AKAIN1: variants seen among roughly 807,000 people sequenced by gnomAD.
The protein encoded by AKAIN1 is A-kinase anchor inhibitor 1.
A neutral mutation model predicts 3.7 loss-of-function variants in AKAIN1; 3 were observed. The observed-to-expected ratio is 0.82, with a 90% CI of 0.37 to 2.12. The LOEUF (loss-of-function observed/expected upper bound fraction) is 2.12, where lower values mean the gene tolerates loss of function less well. Ranked by LOEUF, AKAIN1 falls within the 30% of genes most tolerant of loss-of-function variation. The pLI, the probability that AKAIN1 is intolerant of heterozygous loss-of-function variation, is 0.06. For missense variants in AKAIN1, 82 were observed against 82.7 expected (o/e 0.99, Z 0.03); for synonymous variants, 31 against 30.8 (o/e 1.01, Z -0.02).
At chr18:5,147,482 T>C (rs1323046781) in intron 1 of AKAIN1, among the ~76,000 whole-genome samples, 1 of 152,184 alleles carries the variant, frequency 6.6e-6, no homozygotes, top group African/African-American at 2.4e-5. Context: ...CATTTCTTAT[T>C]TAAAATAATC....
rs1362112278 is a variant in AKAIN1, at chr18:5,145,619, G to C, written c.153C>G (p.Asn51Lys). ...CAACGCCCAGTTGGATGTGGTCCCGGTTGTCACTGATTCTCTCTTCTCTGC... is the reference window on the plus strand; with the variant it reads ...CAACGCCCAGTTGGATGTGGTCCCGCTTGTCACTGATTCTCTCTTCTCTGC... ...SQRREERISD[N>K]RDHIQLGVGE... The change falls in exon 2 of 2, where the codon AAC (asparagine) becomes AAG (lysine). Residue 51 changes from asparagine to lysine, a missense_variant. Asn to Lys is a moderately conservative substitution (Grantham distance 94, BLOSUM62 0). Transcript: ENST00000434239. The C allele has an allele frequency of 1.9e-6, 3 of 1,551,530 alleles. No individual in the cohort carries two copies. Among genetic ancestry groups the C allele is most frequent in the African/African-American group, 2.7e-5 (2 of 73,022 alleles).
In AKAIN1 at chr18:5,143,300, T is replaced by C. The variant is rs1178741300; in HGVS notation, c.*2262A>G. On this transcript the variant is annotated 3_prime_UTR_variant, in exon 2 of 2. Coordinates refer to ENST00000434239, the MANE Select transcript of AKAIN1 (RefSeq NM_001145194.2). ...GAGCTTTCTTAGAATTTTGCCAATATGGCACCTACCTATTGAGGACAGGCA... is the reference window on the plus strand; with the variant it reads ...GAGCTTTCTTAGAATTTTGCCAATACGGCACCTACCTATTGAGGACAGGCA... 6.6e-6 allele frequency among the ~76,000 whole-genome samples: 1 copy of C among 152,238 alleles called. No homozygotes were observed. Among genetic ancestry groups the C allele is most frequent in the Non-Finnish European group, 1.5e-5 (1 of 68,044 alleles).
intron 1 of AKAIN1, among the ~76,000 whole-genome samples, chr18:5,178,443 C>A (rs1304877807): frequency 6.6e-6 from 1 of 152,048 alleles, no homozygotes; most frequent in Non-Finnish European, 1.5e-5. Context: ...CTGCCAATGA[C>A]CAGAAAGGTG....
chr18:5,171,523 G>T (rs189439257), intron 1 of AKAIN1, among the ~76,000 whole-genome samples: 1 of 152,150 alleles, frequency 6.6e-6, no homozygotes, highest in East Asian at 1.9e-4. Flanking sequence ...TAAAAAATGG[G>T]CAACAGATCC....
In AKAIN1 at chr18:5,197,060, T is replaced by G. The variant is rs1215248028; in HGVS notation, c.-7A>C. 1 of 1,551,634 alleles carries G rather than the reference T, an allele frequency of 6.4e-7. No individual in the cohort carries two copies. Among genetic ancestry groups the G allele is most frequent in the South Asian group, 1.2e-5 (1 of 84,060 alleles). On this transcript the variant is annotated 5_prime_UTR_variant, in exon 1 of 2. Transcript: ENST00000434239. The surrounding 1 kb of genome is among the most constrained non-coding windows in gnomAD (Gnocchi z 6.9). ...TACCTGGAGCGAACACCATGATTTC[T>G]TCCAGCCGCTACGCCCCCAGATTAA...
chr18:5,190,625 A>G (rs1256980276), intron 1 of AKAIN1, among the ~76,000 whole-genome samples: 1 of 152,166 alleles, frequency 6.6e-6, no homozygotes. Context: ...GTGCTACTAT[A>G]ATAAAAATAT....
chr18:5,172,776 T>A (rs1210424012), intron 1 of AKAIN1, among the ~76,000 whole-genome samples: 1 of 152,046 alleles, frequency 6.6e-6, no homozygotes, highest in East Asian at 1.9e-4. Flanking sequence ...CTTAACTCAA[T>A]TAATTTATAC....
chr18:5,189,823 C>T (rs1287349916), intron 1 of AKAIN1, among the ~76,000 whole-genome samples: 1 of 151,764 alleles, frequency 6.6e-6, no homozygotes, highest in East Asian at 1.9e-4. Context: ...ACAGACTTTT[C>T]TAGTCTGCTC....
At chr18:5,179,852 C>G (rs2071247375) in intron 1 of AKAIN1, among the ~76,000 whole-genome samples, 1 of 152,086 alleles carries the variant, frequency 6.6e-6, no homozygotes, top group Admixed American at 6.6e-5. Flanking sequence ...CACTGAAGGC[C>G]ATTTCTTTAT....
intron 1 of AKAIN1, among the ~76,000 whole-genome samples, chr18:5,176,941 G>C (rs370849912): frequency 2.0e-5 from 3 of 151,870 alleles, no homozygotes; most frequent in East Asian, 3.9e-4. Flanking sequence ...ACTTCCAAGG[G>C]TATATATAAT....
intron 1 of AKAIN1, among the ~76,000 whole-genome samples, chr18:5,177,723 C>T (rs1020866968): frequency 6.6e-6 from 1 of 152,026 alleles, no homozygotes; most frequent in African/African-American, 2.4e-5. Context: ...TAAGTTAAGT[C>T]GTATGACAAA....
At chr18:5,184,447 A>G (rs977975380) in intron 1 of AKAIN1, among the ~76,000 whole-genome samples, 2 of 152,058 alleles carry the variant, frequency 1.3e-5, no homozygotes, top group Non-Finnish European at 2.9e-5. Context: ...AAAATTCTGT[A>G]GTCGCTGCCC....
chr18:5,188,470 C>T (rs1416947003), intron 1 of AKAIN1, among the ~76,000 whole-genome samples: 3 of 152,032 alleles, frequency 2.0e-5, no homozygotes, highest in Non-Finnish European at 2.9e-5. Context: ...GTGCTGCCCA[C>T]CCCTCCCCAT....
Position 5,183,121 on chromosome 18 carries a change from CTT to C in AKAIN1, c.16+13915_16+13916del, listed in dbSNP as rs1260937134. On this transcript the variant is annotated intron_variant, in intron 1 of 1. Coordinates refer to ENST00000434239, the MANE Select transcript of AKAIN1 (RefSeq NM_001145194.2). ...AATAGGTCAGGCATTTAGAGCCTCA[CTT>C]TTATCATCTGAAAGGAAAAATATAA... Among the ~76,000 whole-genome samples the C allele has an allele frequency of 7.2e-5, 11 of 151,956 alleles. No homozygotes were observed. The South Asian group carries it at 2.3e-3, about 31-fold the overall frequency.
At chr18:5,192,385 T>TTTCTTTCTTTC (rs572080430) in intron 1 of AKAIN1, among the ~76,000 whole-genome samples, 7 of 106,990 alleles carry the variant, frequency 6.5e-5, no homozygotes, top group Non-Finnish European at 1.1e-4. Flanking sequence ...ACAGAGCTAA[T>TTTCTTTCTTTC]TTTCTTTCTT....
chr18:5,157,785 C>T (rs1193142313), intron 1 of AKAIN1, among the ~76,000 whole-genome samples: 2 of 152,072 alleles, frequency 1.3e-5, no homozygotes, highest in Non-Finnish European at 2.9e-5. Flanking sequence ...CTCACTGCAG[C>T]CTTGAACTCC....
chr18:5,186,845 C>A lies in AKAIN1; in HGVS notation c.16+10193G>T, dbSNP rs189386833. On this transcript the variant is annotated intron_variant, in intron 1 of 1. Coordinates refer to ENST00000434239, the MANE Select transcript of AKAIN1 (RefSeq NM_001145194.2). ...ACTGAAACAATTGCAAGTTTATTAT[C>A]CAATCATAATAGAATGAAACTAGAA... 3.7e-3 allele frequency among the ~76,000 whole-genome samples: 558 copies of A among 152,208 alleles called. 3 individuals carry two copies. Among genetic ancestry groups the A allele is most frequent in the African/African-American group, 0.013 (531 of 41,538 alleles).
chr18:5,169,699 ACT>A (rs910731083), intron 1 of AKAIN1, among the ~76,000 whole-genome samples: 4 of 152,144 alleles, frequency 2.6e-5, no homozygotes, highest in African/African-American at 9.7e-5. Context: ...TAAAAATACT[ACT>A]GTTTTCCAGT....
chr18:5,161,677 G>T (rs1432871872), intron 1 of AKAIN1, among the ~76,000 whole-genome samples: 1 of 152,170 alleles, frequency 6.6e-6, no homozygotes, highest in Middle Eastern at 3.4e-3. Flanking sequence ...AGGTCCCACT[G>T]GTCAGTGTAA....
Sources: allele counts gnomAD v4.1 joint callset (sites outside exome capture counted in the v4.1 genomes callset), GRCh38; gene constraint gnomAD v4.1.1; non-coding constraint Gnocchi (gnomAD v3.1); transcripts MANE v1.5; gene names NCBI Gene and HGNC (gene_info 2026-07-23, HGNC 2026-07-21).